CRCP: variants seen among roughly 807,000 people sequenced by gnomAD.
CRCP encodes CGRP receptor component.
CRCP carries 18 observed loss-of-function variants against 18.5 expected under a neutral mutation model. That is an observed-to-expected ratio of 0.97 (90% confidence interval 0.67 to 1.44). CRCP has a LOEUF of 1.44. Ranked by LOEUF, CRCP falls within the 40% of genes most tolerant of loss-of-function variation. The pLI, the probability that CRCP is intolerant of heterozygous loss-of-function variation, is 0.00. For synonymous variants in CRCP, 53 were observed against 62.9 expected (o/e 0.84, Z 0.75); for missense variants, 130 against 176.4 (o/e 0.74, Z 1.49).
chr7:66,127,673 A>C, intron 1 of CRCP, 31 bp from the exon 2 acceptor site: 1 of 1,613,732 alleles, frequency 6.2e-7, no homozygotes. Context: ...GTGTGAGCCC[A>C]GACTGATGAT....
rs368027324 is a variant in CRCP at position 66,130,833 on chromosome 7, C to T, written c.135C>T (p.Ile45=). ...HSSGQQNLNT[I]TYETLKYISK... is the part of the protein sequence containing the mutation. ...CTGGGCAACAGAACTTGAACACTAT[C>T]ACCTATGAAGTAAGGCTGGGCTTCT... The change falls in exon 3 of 6, where the codon ATC becomes ATT. Residue 45 remains isoleucine, a synonymous_variant. Coordinates refer to ENST00000395326, the MANE Select transcript of CRCP (RefSeq NM_014478.5). 6.4e-7 allele frequency: 1 copy of T among 1,554,712 alleles called. No individual in the cohort carries two copies. The highest frequency in any genetic ancestry group is 1.4e-5 in the African/African-American group (1 of 73,762).
intron 1 of CRCP, among the ~76,000 whole-genome samples, chr7:66,124,128 G>A (rs1306821565): frequency 2.1e-5 from 3 of 145,140 alleles, no homozygotes; most frequent in East Asian, 2.2e-4. Context: ...TTGGGAGGCC[G>A]AGGCGGGCGG....
chr7:66,124,111 C>CA (rs1787543392), intron 1 of CRCP, among the ~76,000 whole-genome samples: 1 of 130,058 alleles, frequency 7.7e-6, no homozygotes, highest in African/African-American at 2.9e-5. Context: ...CCTGTAATCC[C>CA]AGCACTTTGG....
intron 1 of CRCP, among the ~76,000 whole-genome samples, chr7:66,120,332 T>C (rs1787400416): frequency 6.6e-6 from 1 of 152,238 alleles, no homozygotes; most frequent in African/African-American, 2.4e-5. Flanking sequence ...TAGGCGTGTA[T>C]ATTTTCTGAT....
chr7:66,125,516 C>A (rs1246108144), intron 1 of CRCP, among the ~76,000 whole-genome samples: 1 of 149,504 alleles, frequency 6.7e-6, no homozygotes, highest in Non-Finnish European at 1.5e-5. Flanking sequence ...CAGCCAGAGT[C>A]TGTTACACAG....
At chr7:66,138,663 G>A (rs893144099) in intron 4 of CRCP, among the ~76,000 whole-genome samples, 33 of 150,608 alleles carry the variant, frequency 2.2e-4, no homozygotes, top group Middle Eastern at 3.4e-3. Flanking sequence ...GCATGGTGGC[G>A]GGCGCCTGTA....
At chr7:66,139,312 A>G (rs316332) in intron 4 of CRCP, among the ~76,000 whole-genome samples, 16,174 of 152,180 alleles carry the variant, frequency 0.11, 1,028 homozygotes, top group South Asian at 0.2. Flanking sequence ...GTATTTTTCA[A>G]TTCTAAAGTT....
At chr7:66,151,752 C>CTTT (rs1170961958) in intron 5 of CRCP, among the ~76,000 whole-genome samples, 1 of 38,306 alleles carries the variant, frequency 2.6e-5, no homozygotes, top group Non-Finnish European at 5.6e-5. Context: ...TTTTTCTTTT[C>CTTT]TTTTTTTTTT....
intron 5 of CRCP, among the ~76,000 whole-genome samples, chr7:66,148,276 C>T (rs1460944049): frequency 2.0e-5 from 3 of 152,058 alleles, no homozygotes; most frequent in Admixed American, 1.3e-4. Flanking sequence ...GCAGGAGAAT[C>T]GCTTGAACCT....
chr7:66,148,370 G>C (rs1788361146), intron 5 of CRCP, among the ~76,000 whole-genome samples: 1 of 152,142 alleles, frequency 6.6e-6, no homozygotes, highest in Non-Finnish European at 1.5e-5. Context: ...TCCTTCTCTA[G>C]AAAACAAAAG....
intron 4 of CRCP, among the ~76,000 whole-genome samples, chr7:66,142,525 G>A (rs137985937): frequency 1.4e-4 from 22 of 152,004 alleles, no homozygotes; most frequent in South Asian, 1.2e-3. Flanking sequence ...TATTTTTCTC[G>A]CTCTGTCTCC....
chr7:66,127,512 A>G (rs1787651132), intron 1 of CRCP, among the ~76,000 whole-genome samples, 192 bp from the exon 2 acceptor site: 1 of 152,190 alleles, frequency 6.6e-6, no homozygotes, highest in Non-Finnish European at 1.5e-5. Context: ...TTTGTTCCCA[A>G]GTCTACTCTG....
At chr7:66,123,413 T>G (rs1787510397) in intron 1 of CRCP, among the ~76,000 whole-genome samples, 1 of 152,178 alleles carries the variant, frequency 6.6e-6, no homozygotes, top group Non-Finnish European at 1.5e-5. Flanking sequence ...GCTTCTACGT[T>G]TATAATTGCT....
At chr7:66,126,532 C>T (rs748734556) in intron 1 of CRCP, 2 of 309,960 alleles carry the variant, frequency 6.5e-6, no homozygotes, top group Admixed American at 8.8e-5. Flanking sequence ...GAGTCTTGTG[C>T]TTTATCTCTG....
chr7:66,130,760 C>T lies in CRCP; in HGVS notation c.62C>T (p.Thr21Ile). The T allele has an allele frequency of 6.2e-7, 1 of 1,604,636 alleles. No homozygotes were observed. Among genetic ancestry groups the T allele is most frequent in the Non-Finnish European group, 8.5e-7 (1 of 1,172,876 alleles). The change falls in exon 3 of 6, where the codon ACT (threonine) becomes ATT (isoleucine). Residue 21 changes from threonine (T) to isoleucine (I), a missense_variant. By Grantham distance (89) the Thr-to-Ile change is moderately conservative. Transcript: ENST00000395326. The part of the protein sequence containing the change: ...LSNYEVFQLL[T>I]DLKEQRKESG... ...TCCTCCTAGGTATTTCAGTTACTAA[C>T]TGATCTGAAAGAGCAGCGTAAAGAA...
chr7:66,146,748 G>A (rs759564566), intron 5 of CRCP, among the ~76,000 whole-genome samples: 2 of 152,084 alleles, frequency 1.3e-5, no homozygotes, highest in Admixed American at 6.6e-5. Flanking sequence ...CTGGGAACCC[G>A]CCTGTAGGCT....
chr7:66,152,599 A>C lies in CRCP; in HGVS notation c.*242A>C. 2 of 489,360 alleles carry C rather than the reference A, an allele frequency of 4.1e-6. No individual in the cohort carries two copies. The highest frequency in any genetic ancestry group is 2.2e-5 in the South Asian group (1 of 45,478). 30.3% of individuals were successfully genotyped at this position (489,360 alleles called of 1,614,324 possible). ...CTGAAGGTGGGGACAGTGACCGCGG[A>C]CCCCTCTGTGCTTGAAAGATTTCCT... is the stretch of plus-strand genomic sequence containing the variant. On this transcript the variant is annotated 3_prime_UTR_variant, in exon 6 of 6. Transcript: ENST00000395326.
At chr7:66,142,222 A>C (rs542890532) in intron 4 of CRCP, among the ~76,000 whole-genome samples, 2 of 151,868 alleles carry the variant, frequency 1.3e-5, no homozygotes, top group East Asian at 3.9e-4. Flanking sequence ...CCTTTGCTGG[A>C]GATTTGGGCA....
At chr7:66,138,181 T>A (rs965082617) in intron 4 of CRCP, among the ~76,000 whole-genome samples, 3 of 151,836 alleles carry the variant, frequency 2.0e-5, no homozygotes, top group African/African-American at 4.8e-5. Flanking sequence ...TTGATTGATC[T>A]TTTCCTTCAG....
Sources: allele counts gnomAD v4.1 joint callset (sites outside exome capture counted in the v4.1 genomes callset), GRCh38; gene constraint gnomAD v4.1.1; transcripts MANE v1.5; gene names NCBI Gene and HGNC (gene_info 2026-07-23, HGNC 2026-07-21).